ZNF613: variants seen among roughly 807,000 people sequenced by gnomAD.
ZNF613 encodes the protein zinc finger protein 613.
In ZNF613, 8 loss-of-function variants were observed where a neutral mutation model predicts 14.3. That is an observed-to-expected ratio of 0.56 (90% confidence interval 0.33 to 1.01). ZNF613 has a LOEUF of 1.01. Ranked by LOEUF, ZNF613 falls within the 50% of genes least tolerant of loss-of-function variation. ZNF613 has a pLI of 0.03. For synonymous variants in ZNF613, 228 were observed against 254.5 expected, an observed-to-expected ratio of 0.90 and a Z score of 0.99; for missense variants, 656 against 741.9, an observed-to-expected ratio of 0.88 and a Z score of 1.35.
rs1367168786 is a variant in ZNF613, at chr19:51,944,181, G to A, written c.298G>A (p.Val100Met). ...ACAAAAGCAAAGATGTCTGAAGAGA[G>A]TGGAACAATGCCATAAACATAATGC... Reference protein sequence around the residue: ...HSQKQRCLKRVEQCHKHNAFG... With the variant: ...HSQKQRCLKRMEQCHKHNAFG... The change falls in exon 6 of 6, where the codon GTG (valine) becomes ATG (methionine). Residue 100 changes from valine to methionine, a missense_variant. Transcript: ENST00000293471. 1.3e-6 allele frequency: 2 copies of A among 1,587,540 alleles called. No homozygotes were observed. The highest frequency in any genetic ancestry group is 1.1e-5 in the South Asian group (1 of 87,022).
At chr19:51,928,297 A>G (rs1198023236) in intron 1 of ZNF613, among the ~76,000 whole-genome samples, 1 of 152,170 alleles carries the variant, frequency 6.6e-6, no homozygotes, top group Non-Finnish European at 1.5e-5. Flanking sequence ...TGTGTGGTCC[A>G]GGTTTTTGGA....
chr19:51,927,669 T>C (rs2085225767), intron 1 of ZNF613, 129 bp downstream of exon 1: 1 of 151,784 alleles, frequency 6.6e-6, no homozygotes, highest in Non-Finnish European at 1.5e-5. Context: ...GGTTGGGGCG[T>C]CTCCGGAGTC....
At chr19:51,937,853 C>T (rs371178290) in intron 3 of ZNF613, among the ~76,000 whole-genome samples, 2 of 151,630 alleles carry the variant, frequency 1.3e-5, no homozygotes, top group East Asian at 1.9e-4. Context: ...CCTCAGCCTC[C>T]CGAGTAGCTG....
chr19:51,933,008 T>C (rs1001994691), intron 2 of ZNF613, among the ~76,000 whole-genome samples: 13 of 152,146 alleles, frequency 8.5e-5, no homozygotes, highest in African/African-American at 2.7e-4. Flanking sequence ...GCATAATGTT[T>C]TTGTGGTTGT....
intron 3 of ZNF613, among the ~76,000 whole-genome samples, chr19:51,937,666 C>T (rs1030636214): frequency 6.6e-6 from 1 of 151,684 alleles, no homozygotes; most frequent in African/African-American, 2.4e-5. Context: ...GCACTTAGGT[C>T]CCAGGACAGT....
intron 5 of ZNF613, chr19:51,942,646 G>C (rs2085359159): frequency 6.6e-6 from 1 of 152,172 alleles, no homozygotes; most frequent in African/African-American, 2.4e-5. Context: ...GTGGGATCTG[G>C]AGTTTGGGGT....
At chr19:51,943,659 C>T (rs1326762929) in intron 5 of ZNF613, among the ~76,000 whole-genome samples, 2 of 152,098 alleles carry the variant, frequency 1.3e-5, no homozygotes, top group African/African-American at 2.4e-5. Flanking sequence ...GGTATGTATG[C>T]ACTGTACAGG....
At chr19:51,940,538 A>G in intron 4 of ZNF613, 79 bp from the exon 5 acceptor site, 1 of 1,513,558 alleles carries the variant, frequency 6.6e-7, no homozygotes, top group South Asian at 1.2e-5. Context: ...CATAGTTCCT[A>G]AAACAGAACA....
chr19:51,937,918 A>G (rs1426460762), intron 3 of ZNF613, among the ~76,000 whole-genome samples: 2 of 151,810 alleles, frequency 1.3e-5, no homozygotes, highest in Non-Finnish European at 2.9e-5. Context: ...TTTAGTAGAG[A>G]CAGGGTTTCA....
intron 1 of ZNF613, among the ~76,000 whole-genome samples, chr19:51,928,655 G>A (rs1048796373): frequency 1.3e-5 from 2 of 152,144 alleles, no homozygotes; most frequent in East Asian, 3.9e-4. Context: ...GAGCCTAGAA[G>A]TTGGAGATCA....
Position 51,944,706 on chromosome 19 carries a change from C to T in ZNF613, c.823C>T (p.Leu275Phe), listed in dbSNP as rs368982536. The change falls in exon 6 of 6, where the codon CTC becomes TTC. Residue 275 changes from leucine (L) to phenylalanine (F), a missense_variant. Coordinates refer to ENST00000293471, the MANE Select transcript of ZNF613 (RefSeq NM_001031721.4). The stretch of plus-strand genomic sequence containing the variant: ...CAAAGCATTCCGCTGGAAATCACAG[C>T]TCAATGCACACCAGAAAATTCATAC... ...CDKAFRWKSQ[L>F]NAHQKIHTGE... The T allele has an allele frequency of 2.5e-5, 41 of 1,613,728 alleles. No individual in the cohort carries two copies. The highest frequency in any genetic ancestry group is 6.6e-5 in the South Asian group (6 of 91,060).
At chr19:51,933,636 A>G (rs937496931) in intron 2 of ZNF613, among the ~76,000 whole-genome samples, 1 of 152,022 alleles carries the variant, frequency 6.6e-6, no homozygotes, top group Non-Finnish European at 1.5e-5. Context: ...AATAAAGTCT[A>G]TTCTGTTCCC....
At chr19:51,934,891 C>T (rs533270445) in intron 2 of ZNF613, among the ~76,000 whole-genome samples, 35 of 152,352 alleles carry the variant, frequency 2.3e-4, no homozygotes, top group South Asian at 1.9e-3. Flanking sequence ...TTGGGTTCTG[C>T]ACCTTTCCAC....
Position 51,936,213 on chromosome 19 carries a change from A to G in ZNF613, c.-8A>G, listed in dbSNP as rs1225397975. On this transcript the variant is annotated 5_prime_UTR_variant, in exon 3 of 6. Transcript: ENST00000293471. ...TACTTACTGGCTATTTCCCAGTAAC[A>G]AAAGAAAATGATCAAGTCCCAGGTG... 3 of 1,604,028 alleles carry G rather than the reference A, an allele frequency of 1.9e-6. No homozygotes were observed. The highest frequency in any genetic ancestry group is 2.6e-6 in the Non-Finnish European group (3 of 1,175,012).
At chr19:51,939,424 G>A (rs1014294785) in intron 3 of ZNF613, among the ~76,000 whole-genome samples, 5 of 152,028 alleles carry the variant, frequency 3.3e-5, no homozygotes, top group African/African-American at 1.2e-4. Flanking sequence ...TGCCTCCTGG[G>A]TTCAAGTGAT....
chr19:51,940,406 G>T (rs2085338812), intron 4 of ZNF613, 71 bp downstream of exon 4: 2 of 1,610,544 alleles, frequency 1.2e-6, no homozygotes, highest in Non-Finnish European at 1.7e-6. Context: ...GCTTTCAAAA[G>T]CTCTGGAGGG....
At chr19:51,935,299 G>A (rs1180358391) in intron 2 of ZNF613, among the ~76,000 whole-genome samples, 2 of 152,210 alleles carry the variant, frequency 1.3e-5, no homozygotes, top group Non-Finnish European at 2.9e-5. Flanking sequence ...ATATGTCTAT[G>A]ACAGTGGCCA....
chr19:51,933,142 T>C (rs1313124477), intron 2 of ZNF613, among the ~76,000 whole-genome samples: 2 of 152,216 alleles, frequency 1.3e-5, no homozygotes, highest in Admixed American at 6.5e-5. Context: ...TAGAGTCTTC[T>C]TAGGTCTTTT....
intron 5 of ZNF613, among the ~76,000 whole-genome samples, chr19:51,943,442 C>T (rs918445989): frequency 2.6e-5 from 4 of 152,132 alleles, no homozygotes; most frequent in African/African-American, 9.7e-5. Flanking sequence ...TGCTGTGTAC[C>T]CTACCCACCT....
Sources: gnomAD v4.1 joint callset for allele counts (sites outside exome capture counted in the v4.1 genomes callset) on GRCh38, gnomAD v4.1.1 for gene constraint, MANE v1.5 for transcripts, NCBI Gene and HGNC (gene_info 2026-07-23, HGNC 2026-07-21) for gene names.